The following BICD1 variants were observed in gnomAD, a reference collection of about 807,000 sequenced individuals.
BICD1 encodes the protein BICD cargo adaptor 1.
Under a neutral mutation model 92.5 loss-of-function variants are expected in BICD1, and 35 were observed. The observed-to-expected ratio is 0.38, with a 90% CI of 0.29 to 0.50. The LOEUF (loss-of-function observed/expected upper bound fraction) is 0.50. Ranked by LOEUF, BICD1 falls within the 20% of genes least tolerant of loss-of-function variation. BICD1 has a pLI of 0.93. For missense variants in BICD1, 950 were observed against 1,189.8 expected, an observed-to-expected ratio of 0.80 and a Z score of 2.97; for synonymous variants, 429 against 465.1, an observed-to-expected ratio of 0.92 and a Z score of 1.00.
chr12:32,292,827 C>T (rs1380369208), intron 2 of BICD1, among the ~76,000 whole-genome samples: 1 of 152,100 alleles, frequency 6.6e-6, no homozygotes, highest in Non-Finnish European at 1.5e-5. Flanking sequence ...TTTTATATCC[C>T]ATCTTTCCAT....
In BICD1 at chr12:32,328,411, A is replaced by G; in HGVS notation, c.1956A>G (p.Gln652=). Reference sequence around the variant, plus strand: ...ACCGGTCCTTGCAACTGTCTCGTCAAAGAGCAGCGGCTCGGGAGCTAGCCC... The same window carrying G: ...ACCGGTCCTTGCAACTGTCTCGTCAGAGAGCAGCGGCTCGGGAGCTAGCCC... ...AVDRSLQLSR[Q]RAAARELAPM... is the part of the protein sequence containing the mutation. The change falls in exon 5 of 10, where the codon CAA becomes CAG. Residue 652 remains glutamine (Q), a synonymous_variant. Transcript: ENST00000652176. This position sits in a 1 kb window ranked among gnomAD's most constrained non-coding sequence, Gnocchi z 4.4. 6.2e-7 allele frequency: 1 copy of G among 1,614,236 alleles called. No homozygotes were observed. Among genetic ancestry groups the G allele is most frequent in the Middle Eastern group, 1.6e-4 (1 of 6,062 alleles).
rs764976251 is a variant in BICD1 at position 32,327,412 on chromosome 12, C to T, written c.1006-49C>T. Reference sequence around the variant, plus strand: ...CCGACTGTGAATGGATTAAGTTCATCATTGGTGCTGCCTTGAGGTGATTCA... The same window carrying T: ...CCGACTGTGAATGGATTAAGTTCATTATTGGTGCTGCCTTGAGGTGATTCA... On this transcript the variant is annotated intron_variant, in intron 4 of 9. Transcript: ENST00000652176. The T allele has an allele frequency of 3.2e-6, 5 of 1,539,482 alleles. No homozygotes were observed. In the South Asian group the frequency reaches 5.1e-5, roughly 16 times the overall value.
intron 1 of BICD1, among the ~76,000 whole-genome samples, chr12:32,185,750 CACAGTTA>C (rs1210445327): frequency 6.6e-6 from 1 of 152,070 alleles, no homozygotes; most frequent in East Asian, 1.9e-4. Flanking sequence ...GTGAATCCAC[CACAGTTA>C]ACAAAATCTT....
At chr12:32,232,032 A>G (rs1264662874) in intron 2 of BICD1, among the ~76,000 whole-genome samples, 3 of 150,926 alleles carry the variant, frequency 2.0e-5, no homozygotes, top group Non-Finnish European at 3.0e-5. Flanking sequence ...ATTGTGAATA[A>G]TGCCGCAATA....
chr12:32,337,610 C>T lies in BICD1; in HGVS notation c.2364C>T (p.Leu788=), dbSNP rs200118178. 3.1e-6 allele frequency: 5 copies of T among 1,614,164 alleles called. No homozygotes were observed. Among genetic ancestry groups the T allele is most frequent in the East Asian group, 2.2e-5 (1 of 44,874 alleles). ...TACGAATGGCTATCCAGCAAAAACT[C>T]GCCCTGACCCAGAGGCTGGAGGACT... ...TLLRMAIQQK[L]ALTQRLEDLE... is the part of the protein sequence containing the mutation. The change falls in exon 7 of 10, where the codon CTC becomes CTT. Residue 788 remains leucine (L), a synonymous_variant. Transcript: ENST00000652176. The surrounding 1 kb of genome is among the most constrained non-coding windows in gnomAD (Gnocchi z 4.7).
chr12:32,239,934 T>C (rs540525566), intron 2 of BICD1, among the ~76,000 whole-genome samples: 7 of 152,116 alleles, frequency 4.6e-5, no homozygotes, highest in Admixed American at 2.6e-4. Context: ...AATTAAGGTA[T>C]GTATTTTTTA....
chr12:32,118,569 A>G (rs1942034232), intron 1 of BICD1, among the ~76,000 whole-genome samples: 1 of 152,188 alleles, frequency 6.6e-6, no homozygotes, highest in African/African-American at 2.4e-5. Context: ...TTTACATAGC[A>G]TTTACATCGT....
chr12:32,156,109 C>T (rs1336010118), intron 1 of BICD1, among the ~76,000 whole-genome samples: 1 of 152,240 alleles, frequency 6.6e-6, no homozygotes, highest in Non-Finnish European at 1.5e-5. Flanking sequence ...AATGAAGTAG[C>T]AGCTCTTGTC....
At chr12:32,311,392 GGGAGGCTGAGGCA>G (rs1948373145) in intron 4 of BICD1, among the ~76,000 whole-genome samples, 1 of 152,252 alleles carries the variant, frequency 6.6e-6, no homozygotes, top group East Asian at 1.9e-4. Flanking sequence ...CCAGCTACTT[GGGAGGCTGAGGCA>G]GGAGAATCAC....
intron 8 of BICD1, among the ~76,000 whole-genome samples, chr12:32,346,612 ACGTG>A (rs60112235): frequency 0.015 from 22 of 1,470 alleles, no homozygotes; most frequent in East Asian, 0.029. Flanking sequence ...ATATATATAT[ACGTG>A]TATATATATA....
At chr12:32,140,560 C>G (rs1449950362) in intron 1 of BICD1, among the ~76,000 whole-genome samples, 1 of 152,188 alleles carries the variant, frequency 6.6e-6, no homozygotes, top group Non-Finnish European at 1.5e-5. Flanking sequence ...CAGCTCAATG[C>G]AACCCCGCCT....
chr12:32,150,489 A>G (rs1592379135), intron 1 of BICD1, among the ~76,000 whole-genome samples: 2 of 39,330 alleles, frequency 5.1e-5, no homozygotes, highest in East Asian at 5.2e-4. Context: ...GGATGAAGAT[A>G]GGGATTAAAA....
Position 32,328,245 on chromosome 12 carries a change from C to G in BICD1, c.1790C>G (p.Thr597Ser), listed in dbSNP as rs1231161521. ...AGCAAAGAACCAAGTCCAACTAAGA[C>G]CCCCACAATCTCTCCTGTTATTACT... is the stretch of plus-strand genomic sequence containing the variant. Reference protein sequence around the residue: ...EASKEPSPTKTPTISPVITAP... With the variant: ...EASKEPSPTKSPTISPVITAP... The change falls in exon 5 of 10, where the codon ACC becomes AGC. Residue 597 changes from threonine (T) to serine (S), a missense_variant. This residue lies in a region of BICD1 where 309 missense variants were observed against 499.4 expected (regional missense o/e 0.62). Transcript: ENST00000652176. The surrounding 1 kb of genome is among the most constrained non-coding windows in gnomAD (Gnocchi z 4.4). The G allele has an allele frequency of 6.2e-7, 1 of 1,614,186 alleles. No individual in the cohort carries two copies. Among genetic ancestry groups the G allele is most frequent in the Non-Finnish European group, 8.5e-7 (1 of 1,180,024 alleles).
rs1310512626 is a variant in BICD1 at position 32,337,490 on chromosome 12, T to C, written c.2253-9T>C. ...TTTTCCTCTGACCACTTCTCTGTTT[T>C]GGTTCCAGATGTGATGAATATGTCA... On this transcript the variant is annotated splice_polypyrimidine_tract_variant and intron_variant, in intron 6 of 9. Coordinates refer to ENST00000652176, the MANE Select transcript of BICD1 (RefSeq NM_001714.4). This position sits in a 1 kb window ranked among gnomAD's most constrained non-coding sequence, Gnocchi z 4.7. 6.3e-7 allele frequency: 1 copy of C among 1,596,674 alleles called. No homozygotes were observed. Among genetic ancestry groups the C allele is most frequent in the East Asian group, 2.3e-5 (1 of 44,346 alleles).
At chr12:32,309,516 A>G (rs1948321304) in intron 4 of BICD1, among the ~76,000 whole-genome samples, 1 of 152,224 alleles carries the variant, frequency 6.6e-6, no homozygotes, top group South Asian at 2.1e-4. Flanking sequence ...GAGTATTCAC[A>G]CTAAGAATAA....
intron 1 of BICD1, among the ~76,000 whole-genome samples, chr12:32,149,499 A>T (rs2630575): frequency 1 from 151,869 of 152,366 alleles, 75,690 homozygotes; most frequent in Middle Eastern, 1. Flanking sequence ...TTTGTATGCT[A>T]TGTCAAAGAA....
chr12:32,378,010 G>A lies in BICD1; in HGVS notation c.*383G>A, dbSNP rs186428674. On this transcript the variant is annotated 3_prime_UTR_variant, in exon 10 of 10. Transcript: ENST00000652176. ...TTCCTCACACTCCAAATTCAGCTAG[G>A]GAAGTTGATTCCAATATGTTTGTCA... 40 of 159,098 alleles carry A rather than the reference G, an allele frequency of 2.5e-4. No homozygotes were observed. Among genetic ancestry groups the A allele is most frequent in the African/African-American group, 9.6e-4 (40 of 41,804 alleles). The allele number at this position is 159,098 out of a possible 1,614,324, so 9.9% of individuals were successfully genotyped here.
At position 32,328,166 on chromosome 12, in the gene BICD1, C is replaced by G. The variant is rs1196144374; in HGVS notation, c.1711C>G (p.Pro571Ala). The change falls in exon 5 of 10, where the codon CCG (proline) becomes GCG (alanine). Residue 571 changes from proline (P) to alanine (A), a missense_variant. Pro to Ala is a conservative substitution (Grantham distance 27). This residue lies in a region of BICD1 where 309 missense variants were observed against 499.4 expected (regional missense o/e 0.62). Coordinates refer to ENST00000652176, the MANE Select transcript of BICD1 (RefSeq NM_001714.4). The surrounding 1 kb of genome is among the most constrained non-coding windows in gnomAD (Gnocchi z 4.4). ...ATTAGCCAGGCGGGGTGTGTCATCC[C>G]CGGTAGAAACAAGGACCTCATCTGA... ...PRLARRGVSS[P>A]VETRTSSEPV... The G allele has an allele frequency of 6.2e-7, 1 of 1,613,988 alleles. No individual in the cohort carries two copies. Among genetic ancestry groups the G allele is most frequent in the Non-Finnish European group, 8.5e-7 (1 of 1,180,030 alleles).
intron 4 of BICD1, among the ~76,000 whole-genome samples, chr12:32,312,497 A>G (rs144974619): frequency 1.8e-4 from 27 of 152,344 alleles, no homozygotes; most frequent in African/African-American, 5.3e-4. Context: ...GATGCCAAGA[A>G]GGTCCCCACT....
Sources: allele counts gnomAD v4.1 joint callset (sites outside exome capture counted in the v4.1 genomes callset), GRCh38; gene constraint gnomAD v4.1.1; regional missense constraint gnomAD v4.1.1; non-coding constraint Gnocchi (gnomAD v3.1); transcripts MANE v1.5; gene names NCBI Gene and HGNC (gene_info 2026-07-23, HGNC 2026-07-21).